ZFYVE9: variants seen among roughly 807,000 people sequenced by gnomAD.
ZFYVE9 encodes zinc finger FYVE-type containing 9, also known as zinc finger FYVE domain-containing protein 9.
In ZFYVE9, 43 loss-of-function variants were observed where a neutral mutation model predicts 126.7. The observed-to-expected ratio is 0.34, with a 90% CI of 0.27 to 0.44. The LOEUF (loss-of-function observed/expected upper bound fraction) is 0.44, where lower values mean the gene tolerates loss of function less well. Ranked by LOEUF, ZFYVE9 falls within the 20% of genes least tolerant of loss-of-function variation. The probability of loss-of-function intolerance (pLI) is 1.00; values close to 1 mark genes in which losing one functional copy is unlikely to be tolerated. For missense variants in ZFYVE9, 1,476 were observed against 1,697.0 expected (o/e 0.87, Z 2.29); for synonymous variants, 521 against 597.4 (o/e 0.87, Z 1.87).
At chr1:52,334,942 T>A in intron 15 of ZFYVE9, 174 bp downstream of exon 15, 3 of 544,358 alleles carry the variant, frequency 5.5e-6, no homozygotes, top group Non-Finnish European at 9.6e-6. Context: ...GAGTAAGTGG[T>A]AGGGATACCA....
At chr1:52,274,201 G>A (rs1440939389) in intron 7 of ZFYVE9, among the ~76,000 whole-genome samples, 1 of 152,138 alleles carries the variant, frequency 6.6e-6, no homozygotes, top group Non-Finnish European at 1.5e-5. Context: ...AAGCTTTAAT[G>A]CAGGTTTTAA....
intron 1 of ZFYVE9, among the ~76,000 whole-genome samples, chr1:52,152,222 T>C (rs1464700779): frequency 6.6e-6 from 1 of 152,172 alleles, no homozygotes; most frequent in South Asian, 2.1e-4. Flanking sequence ...ACTCCTGACC[T>C]CAGATGATCC....
At chr1:52,239,655 T>C (rs1357464637) in intron 4 of ZFYVE9, 60 bp downstream of exon 4, 1 of 1,540,112 alleles carries the variant, frequency 6.5e-7, no homozygotes, top group Non-Finnish European at 8.8e-7. Flanking sequence ...CTGAATTAAA[T>C]AGTAATAAAG....
intron 2 of ZFYVE9, among the ~76,000 whole-genome samples, chr1:52,217,262 A>T (rs1395878718): frequency 6.6e-6 from 1 of 152,216 alleles, no homozygotes; most frequent in Non-Finnish European, 1.5e-5. Context: ...CCAAGGCTTA[A>T]ACTTTTCCAA....
At chr1:52,208,814 T>G (rs1392122047) in intron 1 of ZFYVE9, among the ~76,000 whole-genome samples, 1 of 152,246 alleles carries the variant, frequency 6.6e-6, no homozygotes, top group Admixed American at 6.5e-5. Context: ...ATTACAGGCA[T>G]GAACTACCAT....
At chr1:52,155,162 G>A (rs539710093) in intron 1 of ZFYVE9, among the ~76,000 whole-genome samples, 2 of 152,138 alleles carry the variant, frequency 1.3e-5, no homozygotes, top group Non-Finnish European at 2.9e-5. Flanking sequence ...TGGACACATG[G>A]TGCCCAGTGA....
intron 1 of ZFYVE9, chr1:52,162,834 G>A (rs867418223): frequency 1.3e-5 from 5 of 392,966 alleles, no homozygotes; most frequent in South Asian, 7.2e-5. Flanking sequence ...AGTGTGTAAC[G>A]TCGATGAGAA....
intron 4 of ZFYVE9, among the ~76,000 whole-genome samples, chr1:52,255,248 G>A (rs560220780): frequency 3.9e-5 from 6 of 152,184 alleles, no homozygotes; most frequent in Admixed American, 6.5e-5. Flanking sequence ...AATTATTCTT[G>A]GGCATAAAAA....
rs530319191 is a variant in ZFYVE9 at position 52,205,266 on chromosome 1, G to C, written c.-142-11103G>C. ...ATTTTTGTATTTTTTGTAGCGATAG[G>C]GTTTTGCAAAGTGGCCCAAGCTGAT... is the stretch of plus-strand genomic sequence containing the variant. On this transcript the variant is annotated intron_variant, in intron 1 of 18. Coordinates refer to ENST00000287727, the MANE Select transcript of ZFYVE9 (RefSeq NM_004799.4). Among the ~76,000 whole-genome samples, 43 of 151,772 alleles carry C rather than the reference G, an allele frequency of 2.8e-4. No individual in the cohort carries two copies. In the East Asian group the frequency reaches 4.7e-3, roughly 16 times the overall value.
In ZFYVE9 at chr1:52,180,032, G is replaced by A. The variant is rs996091570; in HGVS notation, c.-142-36337G>A. 3.6e-6 allele frequency: 3 copies of A among 834,830 alleles called. No homozygotes were observed. The African/African-American group carries it at 5.0e-5, about 14-fold the overall frequency. 51.7% of individuals were successfully genotyped at this position (834,830 alleles called of 1,614,324 possible). On this transcript the variant is annotated intron_variant, in intron 1 of 18. Coordinates refer to ENST00000287727, the MANE Select transcript of ZFYVE9 (RefSeq NM_004799.4). ...ATCGTGAAGACAAGTTTAATGAGGA[G>A]GATGAATGTGCTATTGAAATGTACA...
intron 4 of ZFYVE9, 114 bp downstream of exon 4, chr1:52,239,709 G>A (rs550887535): frequency 3.3e-6 from 4 of 1,210,436 alleles, no homozygotes; most frequent in Admixed American, 3.3e-5. Flanking sequence ...GACCTAAATA[G>A]CATTTTTGAA....
chr1:52,178,017 C>T (rs189981108), intron 1 of ZFYVE9, among the ~76,000 whole-genome samples: 43 of 150,816 alleles, frequency 2.9e-4, no homozygotes, highest in South Asian at 2.1e-3. Flanking sequence ...CAGTGGCTCA[C>T]GCCCGTAATC....
At chr1:52,268,718 T>C (rs1645658448) in intron 7 of ZFYVE9, 86 bp downstream of exon 7, 1 of 1,481,768 alleles carries the variant, frequency 6.7e-7, no homozygotes, top group Non-Finnish European at 9.1e-7. Context: ...TGTGTGGAAC[T>C]CTGTAGGTTT....
At chr1:52,231,947 A>G (rs1192216080) in intron 2 of ZFYVE9, among the ~76,000 whole-genome samples, 10 of 152,196 alleles carry the variant, frequency 6.6e-5, no homozygotes, top group African/African-American at 2.4e-4. Context: ...TGAATAAGTC[A>G]GTTAAATTCC....
chr1:52,200,463 A>G (rs1644913176), intron 1 of ZFYVE9, among the ~76,000 whole-genome samples: 1 of 152,152 alleles, frequency 6.6e-6, no homozygotes. Flanking sequence ...TTACAGATGT[A>G]AGCCACTGTG....
In ZFYVE9 at chr1:52,240,244, GT is replaced by G. The variant is rs1265730547; in HGVS notation, c.2178+652del. On this transcript the variant is annotated intron_variant, in intron 4 of 18. Transcript: ENST00000287727. ...AGCTAAAAACACATCTTTTTTGTTT[GT>G]TTGTTTAGAGTTGTAAATAAGGAAG... Among the ~76,000 whole-genome samples the G allele has an allele frequency of 6.6e-5, 10 of 152,112 alleles. No individual in the cohort carries two copies. In the East Asian group the frequency reaches 1.7e-3, roughly 26 times the overall value.
chr1:52,268,843 AAG>A (rs1041236876), intron 7 of ZFYVE9, among the ~76,000 whole-genome samples: 5 of 152,198 alleles, frequency 3.3e-5, no homozygotes, highest in Non-Finnish European at 7.3e-5. Context: ...GTTCTTAATG[AAG>A]ATTGTTCTCA....
At chr1:52,284,233 A>G (rs1645832313) in intron 10 of ZFYVE9, among the ~76,000 whole-genome samples, 1 of 152,150 alleles carries the variant, frequency 6.6e-6, no homozygotes. Context: ...TATGGATCCC[A>G]GAAGATAGAT....
At chr1:52,236,574 T>C (rs1157193279) in intron 3 of ZFYVE9, among the ~76,000 whole-genome samples, 1 of 152,170 alleles carries the variant, frequency 6.6e-6, no homozygotes, top group Non-Finnish European at 1.5e-5. Flanking sequence ...GCCCTATAAC[T>C]TGAGAGAATA....
Sources: gnomAD v4.1 joint callset for allele counts (sites outside exome capture counted in the v4.1 genomes callset) on GRCh38, gnomAD v4.1.1 for gene constraint, MANE v1.5 for transcripts, NCBI Gene and HGNC (gene_info 2026-07-23, HGNC 2026-07-21) for gene names.